Variants in LRP1B observed in about 807,000 individuals in gnomAD.
LRP1B encodes the protein LDL receptor related protein 1B, also known as low-density lipoprotein receptor-related protein 1B.
Under a neutral mutation model 556.6 loss-of-function variants are expected in LRP1B, and 217 were observed. The observed-to-expected ratio is 0.39, with a 90% CI of 0.35 to 0.44. The LOEUF (loss-of-function observed/expected upper bound fraction) is 0.44, where lower values mean the gene tolerates loss of function less well. LRP1B is among the 20% of genes least tolerant of loss of function. The pLI, the probability that LRP1B is intolerant of heterozygous loss-of-function variation, is 1.00. For missense variants in LRP1B, 5,053 were observed against 5,620.8 expected, an observed-to-expected ratio of 0.90 and a Z score of 3.23; for synonymous variants, 2,047 against 1,865.8, an observed-to-expected ratio of 1.10 and a Z score of -2.50.
At chr2:140,444,536 T>A (rs2105304701) in intron 64 of LRP1B, 27 bp downstream of exon 64, 1 of 1,611,568 alleles carries the variant, frequency 6.2e-7, no homozygotes, top group South Asian at 1.1e-5. Flanking sequence ...AGACTTATGT[T>A]CATTAGTTAG....
chr2:141,259,856 A>G (rs1236819270), intron 3 of LRP1B, among the ~76,000 whole-genome samples: 2 of 152,116 alleles, frequency 1.3e-5, no homozygotes, highest in African/African-American at 4.8e-5. Flanking sequence ...CAAAGTTCTT[A>G]AAATATTGCT....
intron 47 of LRP1B, 74 bp from the exon 48 acceptor site, chr2:140,526,424 C>T: frequency 1.0e-6 from 1 of 975,600 alleles, no homozygotes; most frequent in Admixed American, 2.1e-5. Flanking sequence ...TTGAATATTT[C>T]AATTATTTTA....
intron 41 of LRP1B, among the ~76,000 whole-genome samples, chr2:140,644,544 C>T (rs913443200): frequency 3.3e-5 from 5 of 151,742 alleles, no homozygotes; most frequent in African/African-American, 1.2e-4. Context: ...ACTATAGACA[C>T]GTGTCACCAT....
intron 1 of LRP1B, among the ~76,000 whole-genome samples, chr2:141,844,747 C>T (rs16847338): frequency 0.035 from 5,373 of 151,964 alleles, 319 homozygotes; most frequent in African/African-American, 0.12. Flanking sequence ...TGTCAAACTA[C>T]TATAAAGTTA....
At chr2:140,753,576 T>C (rs116897593) in intron 35 of LRP1B, among the ~76,000 whole-genome samples, 1 of 152,240 alleles carries the variant, frequency 6.6e-6, no homozygotes, top group East Asian at 1.9e-4. Flanking sequence ...TAAAAATAAA[T>C]CTCTAAAACT....
intron 1 of LRP1B, among the ~76,000 whole-genome samples, chr2:141,898,700 C>A (rs751543095): frequency 6.6e-6 from 1 of 152,066 alleles, no homozygotes; most frequent in Non-Finnish European, 1.5e-5. Context: ...CAGGCAACAT[C>A]ATATAAAAAA....
chr2:140,620,949 A>T (rs904090213), intron 41 of LRP1B, among the ~76,000 whole-genome samples: 3 of 152,074 alleles, frequency 2.0e-5, no homozygotes. Context: ...TATATTAAAC[A>T]GTTGCTGGGT....
chr2:141,321,281 CA>C (rs1480028374), intron 3 of LRP1B, among the ~76,000 whole-genome samples: 2 of 151,952 alleles, frequency 1.3e-5, no homozygotes, highest in Admixed American at 6.6e-5. Context: ...TAAAAACAAA[CA>C]AACAAACATT....
At chr2:140,772,786 A>T (rs1322330656) in intron 33 of LRP1B, among the ~76,000 whole-genome samples, 3 of 152,142 alleles carry the variant, frequency 2.0e-5, no homozygotes, top group Admixed American at 6.6e-5. Context: ...AGAGCTTGAA[A>T]GAACATTTGG....
intron 32 of LRP1B, among the ~76,000 whole-genome samples, chr2:140,782,640 TA>T (rs1256071693): frequency 3.3e-5 from 5 of 152,116 alleles, no homozygotes; most frequent in Non-Finnish European, 5.9e-5. Flanking sequence ...TTACAGGAAT[TA>T]ATGGATTATT....
At chr2:140,430,334 C>T (rs1287218881) in intron 66 of LRP1B, among the ~76,000 whole-genome samples, 1 of 152,172 alleles carries the variant, frequency 6.6e-6, no homozygotes, top group African/African-American at 2.4e-5. Context: ...ATATTCTGTA[C>T]CACCATGCTG....
chr2:140,938,382 C>A (rs1323222270), intron 20 of LRP1B, among the ~76,000 whole-genome samples: 1 of 151,978 alleles, frequency 6.6e-6, no homozygotes, highest in Non-Finnish European at 1.5e-5. Context: ...GACAGACAGA[C>A]TTATTGTAAC....
At chr2:140,954,664 CTA>C (rs1695821359) in intron 18 of LRP1B, among the ~76,000 whole-genome samples, 1 of 151,908 alleles carries the variant, frequency 6.6e-6, no homozygotes, top group East Asian at 1.9e-4. Flanking sequence ...AGTTATCAAA[CTA>C]AATTTAAAAA....
intron 75 of LRP1B, among the ~76,000 whole-genome samples, chr2:140,354,512 T>G (rs896867544): frequency 8.5e-5 from 13 of 152,106 alleles, no homozygotes; most frequent in Non-Finnish European, 1.6e-4. Context: ...TTGTCAGTAC[T>G]TAACCATCAC....
intron 2 of LRP1B, among the ~76,000 whole-genome samples, chr2:141,500,189 C>T (rs1021400150): frequency 6.6e-6 from 1 of 152,090 alleles, no homozygotes; most frequent in Non-Finnish European, 1.5e-5. Flanking sequence ...TAACCCTTGT[C>T]TTCCATTAGC....
At chr2:141,159,975 C>T (rs2105108542) in intron 7 of LRP1B, among the ~76,000 whole-genome samples, 1 of 152,068 alleles carries the variant, frequency 6.6e-6, no homozygotes, top group Admixed American at 6.6e-5. Context: ...GGTAACAACA[C>T]ACACCAGGGC....
At chr2:140,439,403 C>T (rs537750145) in intron 66 of LRP1B, among the ~76,000 whole-genome samples, 5 of 152,128 alleles carry the variant, frequency 3.3e-5, no homozygotes, top group East Asian at 1.9e-4. Context: ...CAGACACCTT[C>T]GAGTAAATAG....
chr2:140,791,140 G>C (rs1410427768), intron 32 of LRP1B, among the ~76,000 whole-genome samples: 1 of 152,052 alleles, frequency 6.6e-6, no homozygotes, highest in Non-Finnish European at 1.5e-5. Flanking sequence ...TGTAGTCCCA[G>C]CTACTCGGGA....
At chr2:140,823,261 C>A (rs1691387904) in intron 31 of LRP1B, among the ~76,000 whole-genome samples, 1 of 149,992 alleles carries the variant, frequency 6.7e-6, no homozygotes, top group African/African-American at 2.4e-5. Flanking sequence ...CAACAATATG[C>A]ACGAGAAGAA....
Sources: allele counts gnomAD v4.1 joint callset (sites outside exome capture counted in the v4.1 genomes callset), GRCh38; gene constraint gnomAD v4.1.1; transcripts MANE v1.5; gene names NCBI Gene and HGNC (gene_info 2026-07-23, HGNC 2026-07-21).